Variants in SLCO1B3 observed in about 807,000 individuals in gnomAD.
SLCO1B3 encodes the protein solute carrier organic anion transporter family member 1B3, also known as liver-specific organic anion transporter 2.
A neutral mutation model predicts 71.8 loss-of-function variants in SLCO1B3; 72 were observed. That is an observed-to-expected ratio of 1.00 (90% CI 0.83 to 1.22). The LOEUF (loss-of-function observed/expected upper bound fraction) is 1.22. Among genes scored for constraint, SLCO1B3 ranks in the 50% most tolerant of loss-of-function variants. The pLI, the probability that SLCO1B3 is intolerant of heterozygous loss-of-function variation, is 0.00. For missense variants in SLCO1B3, 911 were observed against 819.7 expected (o/e 1.11, Z -1.36); for synonymous variants, 298 against 278.4 (o/e 1.07, Z -0.70).
At chr12:20,869,796 C>G (rs1865445925) in intron 8 of SLCO1B3, among the ~76,000 whole-genome samples, 1 of 152,136 alleles carries the variant, frequency 6.6e-6, no homozygotes, top group South Asian at 2.1e-4. Flanking sequence ...AATGAACATA[C>G]AAATGGAAAT....
chr12:20,822,404 G>C (rs12811566), intron 3 of SLCO1B3, among the ~76,000 whole-genome samples: 2 of 152,004 alleles, frequency 1.3e-5, no homozygotes, highest in Non-Finnish European at 2.9e-5. Context: ...GGTGCTCGGT[G>C]GGGGAGCTTC....
At chr12:20,874,555 A>G (rs1865540949) in intron 8 of SLCO1B3, among the ~76,000 whole-genome samples, 1 of 152,212 alleles carries the variant, frequency 6.6e-6, no homozygotes. Flanking sequence ...TCTACCTACT[A>G]AAATAACTCA....
chr12:20,856,215 A>G (rs187606474), intron 4 of SLCO1B3, among the ~76,000 whole-genome samples: 8 of 152,272 alleles, frequency 5.3e-5, no homozygotes, highest in African/African-American at 1.4e-4. Flanking sequence ...CTTTGCAGCT[A>G]TTTAACAGCA....
At chr12:20,833,676 A>G (rs12825962) in intron 3 of SLCO1B3, among the ~76,000 whole-genome samples, 15,069 of 147,590 alleles carry the variant, frequency 0.1, 1,034 homozygotes, top group Middle Eastern at 0.21. Context: ...ATATACATAC[A>G]CTTTATGGTA....
intron 1 of SLCO1B3, among the ~76,000 whole-genome samples, chr12:20,811,992 C>G (rs1314002844): frequency 1.3e-5 from 2 of 149,920 alleles, no homozygotes; most frequent in African/African-American, 4.9e-5. Flanking sequence ...ACCACAACCT[C>G]AGCCTCCTGG....
At position 20,902,704 on chromosome 12, in the gene SLCO1B3, A is replaced by G. The variant is rs569763269; in HGVS notation, c.1865+1237A>G. Among the ~76,000 whole-genome samples, 127 of 152,300 alleles carry G rather than the reference A, an allele frequency of 8.3e-4. 1 individual carries two copies. Among genetic ancestry groups the G allele is most frequent in the Non-Finnish European group, 1.1e-3 (78 of 68,032 alleles). On this transcript the variant is annotated intron_variant, in intron 15 of 15. Transcript: ENST00000381545. ...TAAGCAAAGTTCAACAGCAAGGGGTAAATTAGAAGAATTTATAATTCAGAG... is the reference window on the plus strand; with the variant it reads ...TAAGCAAAGTTCAACAGCAAGGGGTGAATTAGAAGAATTTATAATTCAGAG...
chr12:20,854,936 A>C, intron 3 of SLCO1B3, 92 bp from the exon 4 acceptor site: 3 of 1,195,862 alleles, frequency 2.5e-6, no homozygotes, highest in Non-Finnish European at 3.5e-6. Flanking sequence ...GTTTTCGAGT[A>C]AAGAAGAAAA....
chr12:20,890,173 C>G (rs918650577), intron 13 of SLCO1B3, among the ~76,000 whole-genome samples: 1 of 151,978 alleles, frequency 6.6e-6, no homozygotes, highest in Non-Finnish European at 1.5e-5. Flanking sequence ...CCCACCTCAG[C>G]CTCCCAAAGT....
At chr12:20,869,107 G>A (rs986416199) in intron 8 of SLCO1B3, among the ~76,000 whole-genome samples, 5 of 152,190 alleles carry the variant, frequency 3.3e-5, no homozygotes, top group African/African-American at 1.2e-4. Flanking sequence ...ACAAGAGGTG[G>A]AGGAGCAGAG....
chr12:20,872,931 C>T (rs1204713396), intron 8 of SLCO1B3, among the ~76,000 whole-genome samples: 2 of 152,160 alleles, frequency 1.3e-5, no homozygotes, highest in African/African-American at 2.4e-5. Context: ...TTTTCATGGT[C>T]ATCCAAACAT....
chr12:20,870,981 A>G (rs7137499), intron 8 of SLCO1B3, among the ~76,000 whole-genome samples: 110,141 of 152,058 alleles, frequency 0.72, 42,493 homozygotes, highest in South Asian at 0.9. Context: ...TATATAATGT[A>G]TCAGATTTAT....
At chr12:20,864,784 A>G (rs1865340072) in intron 8 of SLCO1B3, among the ~76,000 whole-genome samples, 1 of 152,194 alleles carries the variant, frequency 6.6e-6, no homozygotes, top group South Asian at 2.1e-4. Flanking sequence ...AGAAGCATGA[A>G]GTGAACTTAT....
intron 15 of SLCO1B3, among the ~76,000 whole-genome samples, chr12:20,913,689 A>G (rs73233644): frequency 0.021 from 3,170 of 152,202 alleles, 113 homozygotes; most frequent in African/African-American, 0.072. Flanking sequence ...GTATGTCTTC[A>G]TATTTAAAGT....
At chr12:20,823,486 T>C (rs1016135663) in intron 3 of SLCO1B3, among the ~76,000 whole-genome samples, 1 of 152,176 alleles carries the variant, frequency 6.6e-6, no homozygotes, top group Non-Finnish European at 1.5e-5. Flanking sequence ...AAGCATAATT[T>C]TTCTCTCTTC....
At chr12:20,905,129 C>T (rs932149577) in intron 15 of SLCO1B3, among the ~76,000 whole-genome samples, 3 of 152,150 alleles carry the variant, frequency 2.0e-5, no homozygotes, top group East Asian at 1.9e-4. Flanking sequence ...CCAAGCTGTA[C>T]CTTGACTCCC....
At chr12:20,846,822 GT>G (rs35308154) in intron 3 of SLCO1B3, among the ~76,000 whole-genome samples, 109,855 of 151,720 alleles carry the variant, frequency 0.72, 42,356 homozygotes, top group South Asian at 0.9. Context: ...TCTTCTGACT[GT>G]TAAGTCCAGA....
intron 13 of SLCO1B3, among the ~76,000 whole-genome samples, chr12:20,889,844 T>C (rs1224929756): frequency 6.6e-6 from 1 of 152,106 alleles, no homozygotes; most frequent in East Asian, 1.9e-4. Context: ...ACTTCCCTCT[T>C]GGCACTGATT....
intron 15 of SLCO1B3, among the ~76,000 whole-genome samples, chr12:20,903,968 G>A (rs1230579953): frequency 1.3e-5 from 2 of 152,074 alleles, no homozygotes; most frequent in African/African-American, 2.4e-5. Context: ...GGCCAGGCGC[G>A]GTGGCTCATG....
intron 3 of SLCO1B3, among the ~76,000 whole-genome samples, chr12:20,829,163 A>T (rs894291355): frequency 2.0e-5 from 3 of 152,234 alleles, no homozygotes; most frequent in Non-Finnish European, 4.4e-5. Flanking sequence ...TAAGTCAAAC[A>T]AACAGACAAT....
Sources: gnomAD v4.1 joint callset for allele counts (sites outside exome capture counted in the v4.1 genomes callset) on GRCh38, gnomAD v4.1.1 for gene constraint, MANE v1.5 for transcripts, NCBI Gene and HGNC (gene_info 2026-07-23, HGNC 2026-07-21) for gene names.